BRI3BP: variants seen among roughly 807,000 people sequenced by gnomAD.
BRI3BP encodes the protein BRI3 binding protein.
A neutral mutation model predicts 15.8 loss-of-function variants in BRI3BP; 7 were observed. The ratio of observed to expected loss-of-function variants is 0.44; its 90% CI spans 0.25 to 0.83. BRI3BP has a LOEUF of 0.83. BRI3BP is among the 40% of genes least tolerant of loss of function. The pLI is 0.20. For missense variants in BRI3BP, 320 were observed against 339.3 expected (o/e 0.94, Z 0.45); for synonymous variants, 192 against 163.5 (o/e 1.17, Z -1.33).
chr12:125,019,469 G>A (rs889500641), intron 2 of BRI3BP, among the ~76,000 whole-genome samples: 4 of 151,994 alleles, frequency 2.6e-5, no homozygotes, highest in Non-Finnish European at 5.9e-5. Flanking sequence ...GACCCTTTTG[G>A]TTAGGAGGGG....
At chr12:125,049,820 G>A in the BRI3BP span, among the ~76,000 whole-genome samples, 5 of 152,152 alleles carry the variant, frequency 3.3e-5, no homozygotes, top group African/African-American at 9.6e-5. Flanking sequence ...TGTGGCGCGT[G>A]AGTGTGTCCG....
rs1370950134 is a variant in BRI3BP, at chr12:125,029,331, T to C, written c.*3901T>C. ...GAGTTCGAGACCAGCCTGGCCAACATAGTGAAATCCCGTCTCTACCAAAAA... is the reference window on the plus strand; with the variant it reads ...GAGTTCGAGACCAGCCTGGCCAACACAGTGAAATCCCGTCTCTACCAAAAA... On this transcript the variant is annotated 3_prime_UTR_variant, in exon 3 of 3. Coordinates refer to ENST00000341446, the MANE Select transcript of BRI3BP (RefSeq NM_080626.6). 3 of 114,802 alleles carry C rather than the reference T, an allele frequency of 2.6e-5. No homozygotes were observed. Among genetic ancestry groups the C allele is most frequent in the African/African-American group, 6.8e-5 (2 of 29,456 alleles). The allele number at this position is 114,802 out of a possible 1,614,324, so 7.1% of individuals were successfully genotyped here. A position where few individuals can be genotyped will look rare whatever the true frequency, so the allele number is the denominator to read the frequency against.
chr12:125,025,080 T>C lies in BRI3BP; in HGVS notation c.406T>C (p.Tyr136His). Reference protein sequence around the residue: ...LLLVGVVLLAYWFLSLTLGFT... With the variant: ...LLLVGVVLLAHWFLSLTLGFT... ...GCTGGTCGGCGTCGTCCTCCTGGCC[T>C]ACTGGTTCTTGTCCCTGACCCTGGG... The change falls in exon 3 of 3, where the codon TAC (tyrosine) becomes CAC (histidine). Residue 136 changes from tyrosine (Y) to histidine (H), a missense_variant. Coordinates refer to ENST00000341446, the MANE Select transcript of BRI3BP (RefSeq NM_080626.6). The C allele has an allele frequency of 6.2e-7, 1 of 1,613,766 alleles. No homozygotes were observed. Among genetic ancestry groups the C allele is most frequent in the Non-Finnish European group, 8.5e-7 (1 of 1,180,010 alleles).
chr12:125,025,320 A>C lies in BRI3BP; in HGVS notation c.646A>C (p.Ser216Arg). Residue 216 changes from serine to arginine, a missense_variant, in exon 3 of 3, where the codon AGC (serine) becomes CGC (arginine). Ser to Arg is a moderately radical substitution (Grantham distance 110). Coordinates refer to ENST00000341446, the MANE Select transcript of BRI3BP (RefSeq NM_080626.6). ...RSSPSGPSNP[S>R]NPSVEEKLEH... is the part of the protein sequence containing the mutation. ...CAGTCCCAGCGGCCCCAGCAACCCC[A>C]GCAACCCCAGCGTGGAGGAGAAGCT... 6.2e-7 allele frequency: 1 copy of C among 1,613,662 alleles called. No homozygotes were observed. The highest frequency in any genetic ancestry group is 8.5e-7 in the Non-Finnish European group (1 of 1,179,882).
chr12:125,042,955 G>T, the BRI3BP span, among the ~76,000 whole-genome samples: 1 of 152,066 alleles, frequency 6.6e-6, no homozygotes, highest in South Asian at 2.1e-4. Flanking sequence ...GCCTGTTAAA[G>T]ATGGATTCAT....
At chr12:125,032,110 G>A (rs760767353), downstream of BRI3BP, among the ~76,000 whole-genome samples, 6 of 152,110 alleles carry the variant, frequency 3.9e-5, no homozygotes, top group African/African-American at 7.2e-5. Context: ...CGTGGGGTGA[G>A]AAGGAAACCA....
chr12:125,040,882 C>T, the BRI3BP span, among the ~76,000 whole-genome samples: 1 of 151,826 alleles, frequency 6.6e-6, no homozygotes, highest in African/African-American at 2.4e-5. Context: ...AGGCACATGC[C>T]ACCACACCCA....
chr12:125,012,239 A>T (rs1277347614), intron 1 of BRI3BP, among the ~76,000 whole-genome samples: 1 of 152,182 alleles, frequency 6.6e-6, no homozygotes, highest in African/African-American at 2.4e-5. Context: ...AGCATGAAAG[A>T]CAGCAGGAGC....
At chr12:125,045,637 G>A in the BRI3BP span, among the ~76,000 whole-genome samples, 1 of 152,142 alleles carries the variant, frequency 6.6e-6, no homozygotes, top group Non-Finnish European at 1.5e-5. Context: ...TGGCCTCTAA[G>A]ATGATGTTTT....
At chr12:125,009,066 C>T (rs1204642655) in intron 1 of BRI3BP, among the ~76,000 whole-genome samples, 2 of 151,448 alleles carry the variant, frequency 1.3e-5, no homozygotes, top group East Asian at 1.9e-4. Context: ...ACCTCCACCT[C>T]CCAGGTTCAA....
chr12:125,001,011 T>G (rs1185614115), intron 1 of BRI3BP, among the ~76,000 whole-genome samples: 5 of 152,210 alleles, frequency 3.3e-5, no homozygotes, highest in Non-Finnish European at 5.9e-5. Flanking sequence ...TGTCAGAGTT[T>G]CCTCACTTTT....
chr12:125,011,133 G>A (rs1222346678), intron 1 of BRI3BP, among the ~76,000 whole-genome samples: 2 of 149,712 alleles, frequency 1.3e-5, no homozygotes, highest in African/African-American at 2.5e-5. Context: ...GCCAATTCAC[G>A]GAGGCATTTA....
chr12:124,998,141 A>G (rs1023678157), intron 1 of BRI3BP, among the ~76,000 whole-genome samples: 6 of 151,358 alleles, frequency 4.0e-5, no homozygotes, highest in Admixed American at 2.0e-4. Flanking sequence ...AAAAAAAAAA[A>G]ATTAGCTGGG....
downstream of BRI3BP, among the ~76,000 whole-genome samples, chr12:125,036,217 A>ATG (rs1955439504): frequency 2.7e-5 from 4 of 148,942 alleles, no homozygotes; most frequent in African/African-American, 9.9e-5. Flanking sequence ...GACACACACC[A>ATG]CTACACCTGG....
rs908642470 is a variant in BRI3BP at position 125,007,920 on chromosome 12, G to A, written c.214-4614G>A. On this transcript the variant is annotated intron_variant, in intron 1 of 2. Transcript: ENST00000341446. ...TGTCTGGCCTGCCTGCAGCTTTTTAGTGCAGTGGCGCTCTGAAGGCACATG... is the reference window on the plus strand; with the variant it reads ...TGTCTGGCCTGCCTGCAGCTTTTTAATGCAGTGGCGCTCTGAAGGCACATG... 2.0e-4 allele frequency among the ~76,000 whole-genome samples: 30 copies of A among 152,204 alleles called. 1 individual carries two copies. The highest frequency in any genetic ancestry group is 7.9e-4 in the Admixed American group (12 of 15,270).
intron 1 of BRI3BP, among the ~76,000 whole-genome samples, chr12:124,995,623 T>C (rs965674325): frequency 6.6e-6 from 1 of 152,208 alleles, no homozygotes; most frequent in African/African-American, 2.4e-5. Context: ...GTGCCTTTAA[T>C]AGAGATACTA....
At chr12:125,032,469 A>G (rs988881453), downstream of BRI3BP, among the ~76,000 whole-genome samples, 5 of 150,226 alleles carry the variant, frequency 3.3e-5, no homozygotes, top group African/African-American at 1.2e-4. Context: ...AAAACAAACA[A>G]AAAAAATTAC....
intron 1 of BRI3BP, among the ~76,000 whole-genome samples, chr12:125,012,145 C>CT (rs1955201888): frequency 6.6e-6 from 1 of 152,174 alleles, no homozygotes; most frequent in African/African-American, 2.4e-5. Flanking sequence ...CATTGCACCA[C>CT]TGCACTCCAG....
intron 1 of BRI3BP, among the ~76,000 whole-genome samples, chr12:125,012,011 C>T (rs1330283816): frequency 6.6e-6 from 1 of 152,134 alleles, no homozygotes; most frequent in Non-Finnish European, 1.5e-5. Flanking sequence ...GACAACATAG[C>T]AAGAGCCCAT....
Sources: gnomAD v4.1 joint callset for allele counts (sites outside exome capture counted in the v4.1 genomes callset) on GRCh38, gnomAD v4.1.1 for gene constraint, MANE v1.5 for transcripts, NCBI Gene and HGNC (gene_info 2026-07-23, HGNC 2026-07-21) for gene names.